Variants in ZSCAN25 observed in about 807,000 individuals in gnomAD.
ZSCAN25 encodes the protein zinc finger and SCAN domain-containing protein 25.
In ZSCAN25, 27 loss-of-function variants were observed where a neutral mutation model predicts 38.7. The observed-to-expected ratio is 0.70, with a 90% CI of 0.51 to 0.96. The LOEUF is 0.96. Among genes scored for constraint, ZSCAN25 ranks in the 40% least tolerant of loss-of-function variants. The pLI is 0.00. For synonymous variants in ZSCAN25, 273 were observed against 277.7 expected (o/e 0.98, Z 0.17); for missense variants, 637 against 705.9 (o/e 0.90, Z 1.11).
At chr7:99,688,857 A>AACT in the ZSCAN25 span, among the ~76,000 whole-genome samples, 1 of 152,268 alleles carries the variant, frequency 6.6e-6, no homozygotes, top group South Asian at 2.1e-4. Context: ...CTCAGGATTA[A>AACT]GAAGCTCACT....
chr7:99,720,440 A>G, the ZSCAN25 span: 1 of 1,612,252 alleles, frequency 6.2e-7, no homozygotes. Flanking sequence ...AGTTGATTAA[A>G]CATCAACAGC....
Position 99,631,041 on chromosome 7 carries a change from T to G in ZSCAN25, c.*1021T>G. ...ACATGTCAGGAACTCTTCTGGGTGC[T>G]TGAGACACATCCATGAATAAAATAG... On this transcript the variant is annotated 3_prime_UTR_variant, in exon 8 of 8. Coordinates refer to ENST00000394152, the MANE Select transcript of ZSCAN25 (RefSeq NM_145115.3). 1.0e-6 allele frequency: 1 copy of G among 977,088 alleles called. No individual in the cohort carries two copies. Among genetic ancestry groups the G allele is most frequent in the Non-Finnish European group, 1.2e-6 (1 of 822,288 alleles). The allele number at this position is 977,088 out of a possible 1,614,324, so 60.5% of individuals were successfully genotyped here.
chr7:99,668,772 A>G, the ZSCAN25 span, among the ~76,000 whole-genome samples: 1 of 152,240 alleles, frequency 6.6e-6, no homozygotes, highest in African/African-American at 2.4e-5. Flanking sequence ...TACACCAGAC[A>G]CTGTCGCCAT....
chr7:99,689,069 A>T, the ZSCAN25 span, among the ~76,000 whole-genome samples: 1 of 152,270 alleles, frequency 6.6e-6, no homozygotes. Flanking sequence ...AAAGCAGGAA[A>T]GATCCAAAAT....
chr7:99,630,018 T>C lies in ZSCAN25; in HGVS notation c.1633T>C (p.Ter545ArgextTer2). 6.5e-7 allele frequency: 1 copy of C among 1,539,660 alleles called. No homozygotes were observed. The highest frequency in any genetic ancestry group is 2.0e-5 in the Admixed American group (1 of 48,830). ...TQHRQEPLVQ[*>R] ...GCACCGCCAGGAGCCGCTGGTGCAG[T>C]GAGCATAGCAGGTGGCAGGCAGCAC... The change falls in exon 8 of 8, where the codon TGA (stop) becomes CGA (arginine). Residue 545 changes from the stop codon to arginine, a stop_lost. Coordinates refer to ENST00000394152, the MANE Select transcript of ZSCAN25 (RefSeq NM_145115.3).
At chr7:99,711,118 C>T in the ZSCAN25 span, among the ~76,000 whole-genome samples, 1 of 152,124 alleles carries the variant, frequency 6.6e-6, no homozygotes, top group Admixed American at 6.5e-5. Context: ...GAACGTAGAC[C>T]ATCCGCTCCT....
At chr7:99,677,524 C>T in the ZSCAN25 span, among the ~76,000 whole-genome samples, 1 of 152,230 alleles carries the variant, frequency 6.6e-6, no homozygotes, top group African/African-American at 2.4e-5. Context: ...ACCTTGTTTA[C>T]TCCTCTTTAG....
chr7:99,638,456 G>T, the ZSCAN25 span: 1 of 1,549,102 alleles, frequency 6.5e-7, no homozygotes, highest in Non-Finnish European at 8.9e-7. Context: ...TGATAATGTG[G>T]TGCAGCTCCT....
the ZSCAN25 span, among the ~76,000 whole-genome samples, chr7:99,734,353 C>T: frequency 6.6e-6 from 1 of 152,156 alleles, no homozygotes; most frequent in African/African-American, 2.4e-5. Context: ...CAGGATCTCA[C>T]TGGTGAGAAG....
At chr7:99,678,000 T>A in the ZSCAN25 span, among the ~76,000 whole-genome samples, 1 of 152,122 alleles carries the variant, frequency 6.6e-6, no homozygotes, top group African/African-American at 2.4e-5. Context: ...TCTGGTAGAG[T>A]AATGCAGCCT....
chr7:99,662,970 T>TGAC, the ZSCAN25 span: 2,525 of 1,575,512 alleles, frequency 1.6e-3, 4 homozygotes, highest in Non-Finnish European at 2.0e-3. This position sits in a 1 kb window ranked among gnomAD's most constrained non-coding sequence, Gnocchi z 4.3. Context: ...CCTCCCTTCT[T>TGAC]GACTTCCCTC....
chr7:99,686,675 C>T, the ZSCAN25 span, among the ~76,000 whole-genome samples: 35 of 152,284 alleles, frequency 2.3e-4, no homozygotes, highest in Non-Finnish European at 3.4e-4. Context: ...TCCCAGCACG[C>T]AGCTGGAGAT....
chr7:99,628,145 AT>A (rs1291260559), intron 7 of ZSCAN25, among the ~76,000 whole-genome samples: 1 of 152,210 alleles, frequency 6.6e-6, no homozygotes, highest in African/African-American at 2.4e-5. Context: ...ATCCAAAAAA[AT>A]AAAAATAAAA....
chr7:99,672,843 C>A, the ZSCAN25 span: 5 of 1,432,318 alleles, frequency 3.5e-6, no homozygotes, highest in African/African-American at 7.2e-5. Flanking sequence ...TGACACACAG[C>A]AAGAGTCTCA....
At chr7:99,684,921 C>T in the ZSCAN25 span, 2 of 358,792 alleles carry the variant, frequency 5.6e-6, no homozygotes, top group African/African-American at 4.2e-5. Flanking sequence ...AATCTACTTC[C>T]CAAGCACTGA....
the ZSCAN25 span, among the ~76,000 whole-genome samples, chr7:99,676,758 CT>C: frequency 3.3e-5 from 5 of 152,166 alleles, no homozygotes; most frequent in Non-Finnish European, 1.5e-5. Context: ...GGATCTAGCC[CT>C]TCTTAAACGT....
chr7:99,686,939 A>G, the ZSCAN25 span, among the ~76,000 whole-genome samples: 12 of 152,338 alleles, frequency 7.9e-5, no homozygotes, highest in South Asian at 2.1e-4. Flanking sequence ...ACCTCTAGCA[A>G]ACTCCAACAG....
chr7:99,675,844 C>T, the ZSCAN25 span, among the ~76,000 whole-genome samples: 1 of 149,488 alleles, frequency 6.7e-6, no homozygotes. Flanking sequence ...CAGGCATGGG[C>T]TACCATATCA....
At chr7:99,696,112 C>G in the ZSCAN25 span, among the ~76,000 whole-genome samples, 3 of 152,224 alleles carry the variant, frequency 2.0e-5, no homozygotes, top group Non-Finnish European at 2.9e-5. Flanking sequence ...TAAATGTCCT[C>G]AAACGTGAGT....
Sources: gnomAD v4.1 joint callset for allele counts (sites outside exome capture counted in the v4.1 genomes callset) on GRCh38, gnomAD v4.1.1 for gene constraint, Gnocchi (gnomAD v3.1) non-coding constraint, MANE v1.5 for transcripts, NCBI Gene and HGNC (gene_info 2026-07-23, HGNC 2026-07-21) for gene names.